The following KCNH5 variants were observed in gnomAD, a reference collection of about 807,000 sequenced individuals.
KCNH5 encodes the protein potassium voltage-gated channel subfamily H member 5.
A neutral mutation model predicts 96.1 loss-of-function variants in KCNH5; 46 were observed. That is an observed-to-expected ratio of 0.48 (90% confidence interval 0.38 to 0.61). KCNH5 has a LOEUF of 0.61. Ranked by LOEUF, KCNH5 falls within the 20% of genes least tolerant of loss-of-function variation. The probability of loss-of-function intolerance (pLI) is 0.00; values close to 1 mark genes in which losing one functional copy is unlikely to be tolerated. For synonymous variants in KCNH5, 439 were observed against 449.8 expected, an observed-to-expected ratio of 0.98 and a Z score of 0.30; for missense variants, 907 against 1,225.8, an observed-to-expected ratio of 0.74 and a Z score of 3.88.
intron 10 of KCNH5, among the ~76,000 whole-genome samples, chr14:62,717,123 A>G (rs775807060): frequency 6.6e-6 from 1 of 152,192 alleles, no homozygotes; most frequent in Non-Finnish European, 1.5e-5. Context: ...ACTACAAAAC[A>G]TAGACATATA....
intron 9 of KCNH5, among the ~76,000 whole-genome samples, chr14:62,799,724 TATACACAC>T (rs1886616755): frequency 9.6e-6 from 1 of 104,368 alleles, no homozygotes; most frequent in South Asian, 3.6e-4. Context: ...TATATATATA[TATACACAC>T]ACACACACAC....
At chr14:62,966,886 C>G (rs79512768) in intron 6 of KCNH5, among the ~76,000 whole-genome samples, 1 of 152,100 alleles carries the variant, frequency 6.6e-6, no homozygotes, top group Non-Finnish European at 1.5e-5. Context: ...ATCAAACTTT[C>G]GATTCTTAAT....
chr14:62,882,261 C>T (rs59530994), intron 7 of KCNH5, among the ~76,000 whole-genome samples: 2,441 of 151,916 alleles, frequency 0.016, 57 homozygotes, highest in African/African-American at 0.056. Context: ...ATACCTGTCT[C>T]AAAAATAAAA....
intron 7 of KCNH5, among the ~76,000 whole-genome samples, chr14:62,861,272 A>ATTTT (rs112072677): frequency 2.1e-5 from 3 of 146,334 alleles, no homozygotes; most frequent in African/African-American, 7.5e-5. Flanking sequence ...CTAAAAATTG[A>ATTTT]TTTTTTTTTT....
intron 1 of KCNH5, among the ~76,000 whole-genome samples, chr14:63,032,637 C>T (rs987778658): frequency 2.0e-5 from 3 of 152,120 alleles, no homozygotes; most frequent in Non-Finnish European, 4.4e-5. Flanking sequence ...TACTTAGTTT[C>T]TTATCCAAAT....
At chr14:62,921,179 G>A (rs2061631168) in intron 7 of KCNH5, among the ~76,000 whole-genome samples, 1 of 152,100 alleles carries the variant, frequency 6.6e-6, no homozygotes, top group South Asian at 2.1e-4. Context: ...AAAGTCAAAT[G>A]TGGTTCAGCA....
At chr14:62,960,210 A>G (rs574950251) in intron 6 of KCNH5, among the ~76,000 whole-genome samples, 8 of 152,236 alleles carry the variant, frequency 5.3e-5, no homozygotes, top group African/African-American at 1.7e-4. Context: ...CATACTTTAA[A>G]TTATAGCTCA....
chr14:63,045,317 G>A lies in KCNH5; in HGVS notation c.-131C>T. 1 of 726,930 alleles carries A rather than the reference G, an allele frequency of 1.4e-6. No individual in the cohort carries two copies. The highest frequency in any genetic ancestry group is 2.4e-6 in the Non-Finnish European group (1 of 422,242). The allele number at this position is 726,930 out of a possible 1,614,324, so 45.0% of individuals were successfully genotyped here. A position where few individuals can be genotyped will look rare whatever the true frequency, so the allele number is the denominator to read the frequency against. ...AAAGAAGAGGGGGCGCGGCGGCGGCGACGGGGTCCCCTGACTGTGTCTCCA... is the reference window on the plus strand; with the variant it reads ...AAAGAAGAGGGGGCGCGGCGGCGGCAACGGGGTCCCCTGACTGTGTCTCCA... On this transcript the variant is annotated 5_prime_UTR_variant, in exon 1 of 11. Coordinates refer to ENST00000322893, the MANE Select transcript of KCNH5 (RefSeq NM_139318.5).
At chr14:62,849,292 A>T (rs1887758446) in intron 8 of KCNH5, among the ~76,000 whole-genome samples, 1 of 152,202 alleles carries the variant, frequency 6.6e-6, no homozygotes, top group African/African-American at 2.4e-5. Flanking sequence ...CAAAAAAGGC[A>T]AAGGGAAAAT....
Position 62,881,853 on chromosome 14 carries a change from C to T in KCNH5, c.1370-32001G>A, listed in dbSNP as rs529404763. Among the ~76,000 whole-genome samples the T allele has an allele frequency of 1.4e-4, 21 of 152,180 alleles. No individual in the cohort carries two copies. The South Asian group carries it at 3.5e-3, about 26-fold the overall frequency. On this transcript the variant is annotated intron_variant, in intron 7 of 10. Transcript: ENST00000322893. ...TATCAGACTCTCTACCTTCAAAGCC[C>T]TAGTTCCTGAAAAGATTAATAGACT...
At chr14:63,044,692 A>G (rs1207709771) in intron 1 of KCNH5, among the ~76,000 whole-genome samples, 1 of 152,224 alleles carries the variant, frequency 6.6e-6, no homozygotes, top group Non-Finnish European at 1.5e-5. Flanking sequence ...CCACTTTCGC[A>G]GCCATTCCCA....
chr14:62,881,728 T>C (rs1888496439), intron 7 of KCNH5, among the ~76,000 whole-genome samples: 1 of 148,982 alleles, frequency 6.7e-6, no homozygotes, highest in African/African-American at 2.4e-5. Context: ...TCTGCATGGT[T>C]GATATAAGTA....
chr14:62,716,863 A>G (rs1595591750), intron 10 of KCNH5, among the ~76,000 whole-genome samples: 1 of 152,200 alleles, frequency 6.6e-6, no homozygotes, highest in South Asian at 2.1e-4. Context: ...AAACTCCTCT[A>G]TTTAGAGATG....
At chr14:62,834,525 A>G (rs1887426625) in intron 8 of KCNH5, among the ~76,000 whole-genome samples, 1 of 152,000 alleles carries the variant, frequency 6.6e-6, no homozygotes, top group Non-Finnish European at 1.5e-5. Context: ...GATTTTGATG[A>G]GCCTCATGAA....
At chr14:62,878,204 G>T (rs548159361) in intron 7 of KCNH5, among the ~76,000 whole-genome samples, 3 of 145,950 alleles carry the variant, frequency 2.1e-5, no homozygotes, top group East Asian at 2.0e-4. Context: ...GTGGGGATGG[G>T]GGGGGGGGCG....
At chr14:62,901,088 A>C (rs1381316820) in intron 7 of KCNH5, among the ~76,000 whole-genome samples, 3 of 152,058 alleles carry the variant, frequency 2.0e-5, no homozygotes, top group Admixed American at 1.3e-4. Flanking sequence ...TCCCCGGTTC[A>C]AGCACTACTC....
chr14:62,883,000 G>A (rs902260443), intron 7 of KCNH5, among the ~76,000 whole-genome samples: 4 of 152,076 alleles, frequency 2.6e-5, no homozygotes, highest in African/African-American at 9.7e-5. Context: ...GCAATGATAC[G>A]CTTCTACAGT....
chr14:62,914,834 T>C (rs1313332467), intron 7 of KCNH5, among the ~76,000 whole-genome samples: 1 of 152,120 alleles, frequency 6.6e-6, no homozygotes, highest in Non-Finnish European at 1.5e-5. Flanking sequence ...ACAACACTCA[T>C]GAGATACCCA....
At chr14:62,911,492 C>T (rs1889153973) in intron 7 of KCNH5, among the ~76,000 whole-genome samples, 1 of 151,792 alleles carries the variant, frequency 6.6e-6, no homozygotes, top group Non-Finnish European at 1.5e-5. Flanking sequence ...GAAATTCATA[C>T]AGAAGAGTAA....
Sources: allele counts gnomAD v4.1 joint callset (sites outside exome capture counted in the v4.1 genomes callset), GRCh38; gene constraint gnomAD v4.1.1; transcripts MANE v1.5; gene names NCBI Gene and HGNC (gene_info 2026-07-23, HGNC 2026-07-21).